TMEM273: variants seen among roughly 807,000 people sequenced by gnomAD.
The protein encoded by TMEM273 is transmembrane protein 273.
In TMEM273, 19 loss-of-function variants were observed where a neutral mutation model predicts 17.9. The observed-to-expected ratio is 1.06, with a 90% CI of 0.74 to 1.55. The LOEUF (loss-of-function observed/expected upper bound fraction) is 1.55, where lower values mean the gene tolerates loss of function less well. TMEM273 is among the 40% of genes most tolerant of loss of function. The probability of loss-of-function intolerance (pLI) is 0.00; values close to 1 mark genes in which losing one functional copy is unlikely to be tolerated. For missense variants in TMEM273, 194 were observed against 155.6 expected (o/e 1.25, Z -1.31); for synonymous variants, 66 against 62.0 (o/e 1.07, Z -0.31).
At chr10:49,165,065 G>A in intron 5 of TMEM273, 140 bp downstream of exon 5, 14 of 1,240,598 alleles carry the variant, frequency 1.1e-5, no homozygotes, top group Non-Finnish European at 1.3e-5. Context: ...CCCGCCCGGA[G>A]CTTACATTTT....
At chr10:49,161,314 G>T in intron 6 of TMEM273, 1 of 525,196 alleles carries the variant, frequency 1.9e-6, no homozygotes, top group Non-Finnish European at 3.4e-6. Context: ...ATAGGTCTTG[G>T]AGAATGAAAA....
At position 49,166,894 on chromosome 10, in the gene TMEM273, C is replaced by A; in HGVS notation, c.213G>T (p.Leu71=). 6.2e-7 allele frequency: 1 copy of A among 1,613,912 alleles called. No individual in the cohort carries two copies. The highest frequency in any genetic ancestry group is 8.5e-7 in the Non-Finnish European group (1 of 1,179,962). ...RHLFDDDSSD[L]KSTPGGLSDT... ...CACTGAGGCCCCCAGGCGTGCTTTTCAGGTCGGAAGAGTCGTCGTCAAATA... is the reference window on the plus strand; with the variant it reads ...CACTGAGGCCCCCAGGCGTGCTTTTAAGGTCGGAAGAGTCGTCGTCAAATA... Residue 71 remains leucine, a synonymous_variant, in exon 3 of 7, where the codon CTG becomes CTT. Coordinates refer to ENST00000374153, the MANE Select transcript of TMEM273 (RefSeq NM_001288740.3).
chr10:49,177,566 A>T (rs1847065284), intron 1 of TMEM273, among the ~76,000 whole-genome samples: 1 of 152,252 alleles, frequency 6.6e-6, no homozygotes, highest in African/African-American at 2.4e-5. Flanking sequence ...AGCCCCAGGA[A>T]GTGACGTGAC....
intron 1 of TMEM273, among the ~76,000 whole-genome samples, chr10:49,179,631 A>AC (rs947009252): frequency 6.6e-6 from 1 of 152,100 alleles, no homozygotes; most frequent in Non-Finnish European, 1.5e-5. Context: ...ATATAAAAAG[A>AC]CCCCCAAAAA....
intron 6 of TMEM273, among the ~76,000 whole-genome samples, chr10:49,157,730 T>C (rs1398426765): frequency 2.6e-5 from 4 of 152,228 alleles, no homozygotes. Flanking sequence ...AGAGCCAGCA[T>C]GTTACTTGAT....
intron 1 of TMEM273, among the ~76,000 whole-genome samples, chr10:49,179,051 G>T (rs1484200123): frequency 6.6e-6 from 1 of 152,162 alleles, no homozygotes; most frequent in Non-Finnish European, 1.5e-5. Flanking sequence ...CCAGGCAGGA[G>T]TTCCCCAACT....
chr10:49,161,261 A>G (rs1332302312), intron 6 of TMEM273: 1 of 317,556 alleles, frequency 3.1e-6, no homozygotes, highest in Middle Eastern at 9.0e-4. Context: ...TTTTCATCAA[A>G]TGGACTAAAT....
chr10:49,180,486 A>C (rs1408249205), intron 1 of TMEM273, among the ~76,000 whole-genome samples: 1 of 152,170 alleles, frequency 6.6e-6, no homozygotes. Context: ...CCCCCCTAGC[A>C]ATTATGAGGA....
chr10:49,168,012 T>G lies in TMEM273; in HGVS notation c.44-50A>C, dbSNP rs763719208. 37 of 1,607,472 alleles carry G rather than the reference T, an allele frequency of 2.3e-5. No individual in the cohort carries two copies. The South Asian group carries it at 4.1e-4, about 18-fold the overall frequency. The stretch of plus-strand genomic sequence containing the variant: ...CTGGTTAGAACAGAGCTGGCTGTGG[T>G]CCCAGCTACCCAGTCTCAGAGGCCT... On this transcript the variant is annotated intron_variant, in intron 1 of 6. Coordinates refer to ENST00000374153, the MANE Select transcript of TMEM273 (RefSeq NM_001288740.3).
chr10:49,165,734 C>T lies in TMEM273; in HGVS notation c.269+32G>A, dbSNP rs757385173. 4.3e-6 allele frequency: 7 copies of T among 1,613,406 alleles called. No individual in the cohort carries two copies. The East Asian group carries it at 8.9e-5, about 21-fold the overall frequency. ...GGTCAAGACAGGAGAGAACACGATA[C>T]CTCTCCCTGACTGTGTGGGCAGTGA... On this transcript the variant is annotated intron_variant, in intron 4 of 6. Coordinates refer to ENST00000374153, the MANE Select transcript of TMEM273 (RefSeq NM_001288740.3).
At chr10:49,176,913 T>C (rs1192273912) in intron 1 of TMEM273, among the ~76,000 whole-genome samples, 1 of 152,232 alleles carries the variant, frequency 6.6e-6, no homozygotes, top group Non-Finnish European at 1.5e-5. Context: ...GCATGCCACA[T>C]GTCTAAATAT....
Position 49,161,142 on chromosome 10 carries a change from G to A in TMEM273, c.372+457C>T, listed in dbSNP as rs112032735. 495 of 163,866 alleles carry A rather than the reference G, an allele frequency of 3.0e-3. 5 individuals carry two copies. The highest frequency in any genetic ancestry group is 0.011 in the African/African-American group (475 of 41,846). 10.2% of individuals were successfully genotyped at this position (163,866 alleles called of 1,614,324 possible). A position where few individuals can be genotyped will look rare whatever the true frequency, so the allele number is the denominator to read the frequency against. On this transcript the variant is annotated intron_variant, in intron 6 of 6. Transcript: ENST00000374153. The stretch of plus-strand genomic sequence containing the variant: ...GAGATCCTGTCCCCTTCTGTAGACC[G>A]GCCCTCCACATACAGGCTTCGTCCT...
chr10:49,165,922 C>T, intron 3 of TMEM273, 126 bp from the exon 4 acceptor site: 6 of 1,217,048 alleles, frequency 4.9e-6, no homozygotes, highest in Non-Finnish European at 7.1e-6. Context: ...GACCCGGGGC[C>T]TGGCTGCTAT....
At chr10:49,168,498 C>T (rs1221057284) in intron 1 of TMEM273, among the ~76,000 whole-genome samples, 1 of 152,154 alleles carries the variant, frequency 6.6e-6, no homozygotes, top group African/African-American at 2.4e-5. Context: ...ACAACATTTA[C>T]ATAGCACTAG....
Position 49,165,217 on chromosome 10 carries a change from C to G in TMEM273, c.336G>C (p.Glu112Asp), listed in dbSNP as rs746792895. 1 of 1,550,040 alleles carries G rather than the reference C, an allele frequency of 6.5e-7. No homozygotes were observed. Among genetic ancestry groups the G allele is most frequent in the Admixed American group, 2.0e-5 (1 of 50,932 alleles). ...GAGGGGATTGTACCTTAAATAGGCC[C>G]TCCATGATGCAGTGGTGACACTGAA... is the stretch of plus-strand genomic sequence containing the variant. ...SLLQCHHCIM[E>D]GLFKAKPQFL... The change falls in exon 5 of 7, where the codon GAG (glutamate) becomes GAC (aspartate). Residue 112 changes from glutamate (E) to aspartate (D), a missense_variant. Glu to Asp is a conservative substitution (Grantham distance 45). Transcript: ENST00000374153.
intron 6 of TMEM273, among the ~76,000 whole-genome samples, chr10:49,158,225 A>G (rs1487122081): frequency 6.6e-6 from 1 of 152,098 alleles, no homozygotes; most frequent in Non-Finnish European, 1.5e-5. Flanking sequence ...GCCACTTAAC[A>G]TCGTAAAGAA....
In TMEM273 at chr10:49,158,949, A is replaced by T. The variant is rs141327713; in HGVS notation, c.372+2650T>A. ...TGTAAACATCTTCTAATTTTATTTTAAAAAGTGTGTCTATATAAAAGTGTT... is the reference window on the plus strand; with the variant it reads ...TGTAAACATCTTCTAATTTTATTTTTAAAAGTGTGTCTATATAAAAGTGTT... On this transcript the variant is annotated intron_variant, in intron 6 of 6. Transcript: ENST00000374153. Among the ~76,000 whole-genome samples the T allele has an allele frequency of 3.2e-3, 483 of 152,294 alleles. 5 individuals carry two copies. The highest frequency in any genetic ancestry group is 0.011 in the African/African-American group (467 of 41,576).
chr10:49,169,984 G>C (rs1846450284), intron 1 of TMEM273, among the ~76,000 whole-genome samples: 1 of 152,190 alleles, frequency 6.6e-6, no homozygotes, highest in South Asian at 2.1e-4. Flanking sequence ...TGAGCCCCAG[G>C]CTCACCCCAC....
intron 1 of TMEM273, among the ~76,000 whole-genome samples, chr10:49,177,814 C>A (rs927495394): frequency 6.6e-6 from 1 of 152,212 alleles, no homozygotes; most frequent in African/African-American, 2.4e-5. Flanking sequence ...CCTGGCCTTG[C>A]CTGTCCAACA....
Sources: allele counts gnomAD v4.1 joint callset (sites outside exome capture counted in the v4.1 genomes callset), GRCh38; gene constraint gnomAD v4.1.1; transcripts MANE v1.5; gene names NCBI Gene and HGNC (gene_info 2026-07-23, HGNC 2026-07-21).